The following GALNTL6 variants were observed in gnomAD, a reference collection of about 807,000 sequenced individuals.
GALNTL6 encodes the protein polypeptide N-acetylgalactosaminyltransferase-like 6.
Under a neutral mutation model 73.7 loss-of-function variants are expected in GALNTL6, and 46 were observed. That is an observed-to-expected ratio of 0.62 (90% confidence interval 0.49 to 0.80). The LOEUF is 0.80. GALNTL6 is among the 30% of genes least tolerant of loss of function. The pLI, the probability that GALNTL6 is intolerant of heterozygous loss-of-function variation, is 0.00. For missense variants in GALNTL6, 604 were observed against 755.0 expected (o/e 0.80, Z 2.34); for synonymous variants, 259 against 263.7 (o/e 0.98, Z 0.17).
intron 5 of GALNTL6, among the ~76,000 whole-genome samples, chr4:172,393,037 C>G (rs1381379879): frequency 1.3e-5 from 2 of 152,138 alleles, no homozygotes; most frequent in Non-Finnish European, 2.9e-5. Context: ...TGCCGGCGAT[C>G]TAGGTTGAGC....
At chr4:172,424,908 T>C (rs1731173464) in intron 5 of GALNTL6, among the ~76,000 whole-genome samples, 1 of 35,278 alleles carries the variant, frequency 2.8e-5, no homozygotes, top group Non-Finnish European at 6.8e-5. Flanking sequence ...CATAGAAAAC[T>C]ATGCAAGTTT....
intron 5 of GALNTL6, among the ~76,000 whole-genome samples, chr4:172,606,153 A>G (rs1018710989): frequency 6.6e-6 from 1 of 152,170 alleles, no homozygotes; most frequent in Admixed American, 6.6e-5. Context: ...TGTGAGCCAT[A>G]ATATATGTTT....
intron 2 of GALNTL6, among the ~76,000 whole-genome samples, chr4:171,815,746 G>A (rs1734508764): frequency 6.6e-6 from 1 of 152,154 alleles, no homozygotes; most frequent in South Asian, 2.1e-4. Flanking sequence ...CTGGAAAACA[G>A]CAATATATAG....
intron 2 of GALNTL6, among the ~76,000 whole-genome samples, chr4:172,070,710 A>G (rs534637394): frequency 9.1e-6 from 1 of 110,276 alleles, no homozygotes; most frequent in South Asian, 2.6e-4. Context: ...ATAGTCTGTT[A>G]TAGCAACAGA....
At chr4:172,490,833 T>C (rs1168633787) in intron 5 of GALNTL6, among the ~76,000 whole-genome samples, 2 of 152,162 alleles carry the variant, frequency 1.3e-5, no homozygotes, top group Admixed American at 6.6e-5. Context: ...AGAGTCAGAT[T>C]GTACCGCAAG....
chr4:172,460,207 G>A (rs987767888), intron 5 of GALNTL6, among the ~76,000 whole-genome samples: 2 of 152,030 alleles, frequency 1.3e-5, no homozygotes, highest in African/African-American at 4.8e-5. Flanking sequence ...TGTATCTTAT[G>A]CAAAAATTAA....
chr4:171,930,572 T>C (rs141563876), intron 2 of GALNTL6, among the ~76,000 whole-genome samples: 6,719 of 152,170 alleles, frequency 0.044, 405 homozygotes, highest in African/African-American at 0.14. Context: ...TGGTGGCTCA[T>C]GCCTGTAATC....
At chr4:171,988,071 C>T (rs896320169) in intron 2 of GALNTL6, among the ~76,000 whole-genome samples, 20 of 152,232 alleles carry the variant, frequency 1.3e-4, no homozygotes, top group African/African-American at 4.6e-4. Context: ...GAGCATAGTT[C>T]GTGATTTTTA....
At chr4:172,097,089 G>A (rs1392567151) in intron 2 of GALNTL6, among the ~76,000 whole-genome samples, 2 of 152,206 alleles carry the variant, frequency 1.3e-5, no homozygotes, top group African/African-American at 2.4e-5. Context: ...AGAGCAGTGT[G>A]TAGAGGAGTG....
At chr4:172,205,628 A>G (rs914705946) in intron 2 of GALNTL6, among the ~76,000 whole-genome samples, 1 of 152,200 alleles carries the variant, frequency 6.6e-6, no homozygotes, top group African/African-American at 2.4e-5. Flanking sequence ...CCATTCTTAC[A>G]TGCAGAAGTA....
rs536140129 is a variant in GALNTL6, at chr4:172,783,235, T to C, written c.554-26126T>C. 6.6e-5 allele frequency among the ~76,000 whole-genome samples: 10 copies of C among 150,780 alleles called. No homozygotes were observed. The East Asian group carries it at 2.0e-3, about 29-fold the overall frequency. On this transcript the variant is annotated intron_variant, in intron 5 of 12. Transcript: ENST00000506823. Reference sequence around the variant, plus strand: ...AAAAACTAAAAAGGACCTAAATAAATAAAGTAGTATACTATGTTCATGGAT... The same window carrying C: ...AAAAACTAAAAAGGACCTAAATAAACAAAGTAGTATACTATGTTCATGGAT...
intron 7 of GALNTL6, among the ~76,000 whole-genome samples, chr4:172,820,467 A>C (rs1416616760): frequency 1.3e-5 from 2 of 152,240 alleles, no homozygotes; most frequent in East Asian, 3.8e-4. Context: ...GTAATTCTAC[A>C]TTTAATCAAA....
chr4:172,072,533 G>C (rs954908225), intron 2 of GALNTL6, among the ~76,000 whole-genome samples: 6 of 151,974 alleles, frequency 3.9e-5, no homozygotes, highest in Non-Finnish European at 8.8e-5. Flanking sequence ...TATCTAGAAG[G>C]CATCTCAAAC....
At chr4:172,796,120 T>G (rs1740249608) in intron 5 of GALNTL6, among the ~76,000 whole-genome samples, 1 of 151,732 alleles carries the variant, frequency 6.6e-6, no homozygotes, top group African/African-American at 2.4e-5. Context: ...TCCAGTTTCC[T>G]ATATTTTCCA....
intron 2 of GALNTL6, among the ~76,000 whole-genome samples, chr4:172,048,378 G>C (rs953473007): frequency 1.3e-5 from 2 of 151,968 alleles, no homozygotes; most frequent in Non-Finnish European, 2.9e-5. Context: ...AACTATTTTG[G>C]GTTAAATTTT....
Position 172,121,328 on chromosome 4 carries a change from G to T in GALNTL6, c.139-108328G>T, listed in dbSNP as rs1022597931. ...GTAATTACATTTGCACAAGATTGTG[G>T]TTTTTGCAGTCTTCTGTGATAGTTT... On this transcript the variant is annotated intron_variant, in intron 2 of 12. Transcript: ENST00000506823. Among the ~76,000 whole-genome samples the T allele has an allele frequency of 7.4e-5, 11 of 148,866 alleles. No homozygotes were observed. In the East Asian group the frequency reaches 2.2e-3, roughly 30 times the overall value.
chr4:171,923,786 C>CTGTGTGTGTGTGTGTGTGTG lies in GALNTL6; in HGVS notation c.138+109090_138+109109dup, dbSNP rs563244976. ...CTACCAGGACACACAAAAAGTATTG[C>CTGTGTGTGTGTGTGTGTGTG]TGTGTGTGTGTGTGTGTGTGTGTGT... On this transcript the variant is annotated intron_variant, in intron 2 of 12. Transcript: ENST00000506823. Among the ~76,000 whole-genome samples the CTGTGTGTGTGTGTGTGTGTG allele has an allele frequency of 2.8e-3, 379 of 133,284 alleles. 2 individuals carry two copies. The highest frequency in any genetic ancestry group is 5.2e-3 in the East Asian group (22 of 4,234). The allele number at this position is 133,284 out of a possible 152,430, so 87.4% of individuals were successfully genotyped here. A position where few individuals can be genotyped will look rare whatever the true frequency, so the allele number is the denominator to read the frequency against.
chr4:172,713,359 G>A (rs1297369524), intron 5 of GALNTL6, among the ~76,000 whole-genome samples: 2 of 151,922 alleles, frequency 1.3e-5, no homozygotes, highest in African/African-American at 2.4e-5. Context: ...GGCATCTAGT[G>A]TGGAGACCCA....
At position 172,063,685 on chromosome 4, in the gene GALNTL6, A is replaced by C. The variant is rs1002801149; in HGVS notation, c.139-165971A>C. Among the ~76,000 whole-genome samples the C allele has an allele frequency of 1.3e-5, 2 of 152,102 alleles. 1 individual carries two copies. The highest frequency in any genetic ancestry group is 2.9e-5 in the Non-Finnish European group (2 of 68,000). Reference sequence around the variant, plus strand: ...TTTTGAGTGCTACAGACAATCCATAAAGCCCTTTAGTGTCTCTCCTGGGTG... The same window carrying C: ...TTTTGAGTGCTACAGACAATCCATACAGCCCTTTAGTGTCTCTCCTGGGTG... On this transcript the variant is annotated intron_variant, in intron 2 of 12. Transcript: ENST00000506823.
Sources: allele counts gnomAD v4.1 joint callset (sites outside exome capture counted in the v4.1 genomes callset), GRCh38; gene constraint gnomAD v4.1.1; transcripts MANE v1.5; gene names NCBI Gene and HGNC (gene_info 2026-07-23, HGNC 2026-07-21).